CEP112: variants seen among roughly 807,000 people sequenced by gnomAD.
CEP112 encodes centrosomal protein of 112 kDa.
In CEP112, 127 loss-of-function variants were observed where a neutral mutation model predicts 153.0. The observed-to-expected ratio is 0.83, with a 90% CI of 0.72 to 0.96. The LOEUF (loss-of-function observed/expected upper bound fraction) is 0.96, where lower values mean the gene tolerates loss of function less well. Among genes scored for constraint, CEP112 ranks in the 40% least tolerant of loss-of-function variants. CEP112 has a pLI of 0.00. For missense variants in CEP112, 1,089 were observed against 1,101.2 expected, an observed-to-expected ratio of 0.99 and a Z score of 0.16; for synonymous variants, 358 against 374.4, an observed-to-expected ratio of 0.96 and a Z score of 0.51.
intron 20 of CEP112, among the ~76,000 whole-genome samples, chr17:65,901,638 T>C (rs1386681364): frequency 6.6e-6 from 1 of 152,124 alleles, no homozygotes; most frequent in Non-Finnish European, 1.5e-5. Context: ...ACAGACCTGA[T>C]GGGAAATAGC....
At chr17:65,933,468 T>G (rs1319837407) in intron 18 of CEP112, among the ~76,000 whole-genome samples, 1 of 152,164 alleles carries the variant, frequency 6.6e-6, no homozygotes. Flanking sequence ...AAGGGAGTTG[T>G]AACATGGCTA....
chr17:65,925,476 C>T (rs1340804102), intron 19 of CEP112, among the ~76,000 whole-genome samples: 2 of 152,208 alleles, frequency 1.3e-5, no homozygotes, highest in African/African-American at 4.8e-5. Flanking sequence ...TATGTATATA[C>T]TGTTCACTGA....
At chr17:66,005,216 A>G (rs2064223417) in intron 17 of CEP112, among the ~76,000 whole-genome samples, 1 of 152,206 alleles carries the variant, frequency 6.6e-6, no homozygotes, top group Non-Finnish European at 1.5e-5. Flanking sequence ...AAAATCTAAT[A>G]TTTTAATGTA....
At chr17:65,873,521 T>C (rs904511697) in intron 20 of CEP112, 1 of 152,208 alleles carries the variant, frequency 6.6e-6, no homozygotes, top group African/African-American at 2.4e-5. Context: ...ATCCAGCTTC[T>C]ATTCTCCTCC....
chr17:65,733,909 C>A (rs1380812031), intron 23 of CEP112, among the ~76,000 whole-genome samples: 1 of 152,204 alleles, frequency 6.6e-6, no homozygotes, highest in East Asian at 1.9e-4. Context: ...CCGAAAAACA[C>A]AAATTCTTTT....
intron 21 of CEP112, among the ~76,000 whole-genome samples, chr17:65,832,567 A>G (rs962726426): frequency 1.3e-5 from 2 of 152,274 alleles, no homozygotes; most frequent in East Asian, 1.9e-4. Context: ...AGAAACTCCT[A>G]TGAACACCCC....
intron 23 of CEP112, among the ~76,000 whole-genome samples, chr17:65,713,959 C>G (rs2049348369): frequency 6.6e-6 from 1 of 152,162 alleles, no homozygotes; most frequent in African/African-American, 2.4e-5. Context: ...CCTCTTCTCT[C>G]TCGGTCTGGC....
chr17:65,813,304 G>A (rs927352608), intron 21 of CEP112, among the ~76,000 whole-genome samples: 10 of 152,128 alleles, frequency 6.6e-5, no homozygotes, highest in Non-Finnish European at 1.5e-4. Context: ...ACTCATCAAC[G>A]TAGAAACAAG....
At chr17:66,113,053 G>A (rs1427710057) in intron 6 of CEP112, among the ~76,000 whole-genome samples, 1 of 151,930 alleles carries the variant, frequency 6.6e-6, no homozygotes, top group African/African-American at 2.4e-5. Context: ...TGGGTAACAA[G>A]AGCGAAACTC....
chr17:65,931,936 C>T (rs1486641173), intron 18 of CEP112, among the ~76,000 whole-genome samples: 1 of 152,178 alleles, frequency 6.6e-6, no homozygotes, highest in African/African-American at 2.4e-5. Context: ...TGAGCAGCAA[C>T]CCCAGAGACC....
chr17:65,868,051 T>A (rs1281373731), intron 20 of CEP112, among the ~76,000 whole-genome samples: 5 of 151,836 alleles, frequency 3.3e-5, no homozygotes, highest in Non-Finnish European at 5.9e-5. Context: ...ATAAATTTTT[T>A]AAATTAAAAT....
intron 4 of CEP112, among the ~76,000 whole-genome samples, chr17:66,148,082 T>C (rs1450819452): frequency 2.0e-5 from 3 of 152,192 alleles, no homozygotes; most frequent in Non-Finnish European, 4.4e-5. Flanking sequence ...AAAATAGGTT[T>C]AATGGACTCA....
intron 19 of CEP112, among the ~76,000 whole-genome samples, chr17:65,917,609 CCTAT>C (rs1386184976): frequency 2.0e-5 from 3 of 152,108 alleles, no homozygotes; most frequent in Non-Finnish European, 4.4e-5. Context: ...GATTTTGCCG[CCTAT>C]CTGACAAAGA....
chr17:66,131,136 T>A (rs1047252000), intron 5 of CEP112, among the ~76,000 whole-genome samples: 5 of 152,206 alleles, frequency 3.3e-5, no homozygotes, highest in African/African-American at 1.2e-4. Flanking sequence ...GTAATTTTTT[T>A]AAATGCACTA....
chr17:65,969,958 A>G (rs990485483), intron 17 of CEP112, among the ~76,000 whole-genome samples: 1 of 152,168 alleles, frequency 6.6e-6, no homozygotes, highest in Non-Finnish European at 1.5e-5. Flanking sequence ...CAGGTATATT[A>G]AATGTATGTA....
At chr17:65,717,149 T>C (rs1248773114) in intron 23 of CEP112, among the ~76,000 whole-genome samples, 1 of 152,190 alleles carries the variant, frequency 6.6e-6, no homozygotes, top group African/African-American at 2.4e-5. Flanking sequence ...CATTGGGAAA[T>C]ATAATTTGCT....
intron 18 of CEP112, among the ~76,000 whole-genome samples, chr17:65,950,790 G>C (rs2061803883): frequency 6.6e-6 from 1 of 151,876 alleles, no homozygotes; most frequent in Non-Finnish European, 1.5e-5. Flanking sequence ...TTGAATAAAA[G>C]TGGCAAAAGC....
At chr17:65,970,504 T>A (rs374552506) in intron 17 of CEP112, among the ~76,000 whole-genome samples, 6 of 151,300 alleles carry the variant, frequency 4.0e-5, no homozygotes, top group African/African-American at 1.5e-4. Context: ...ACATGCATAT[T>A]ATATGCATGC....
intron 12 of CEP112, among the ~76,000 whole-genome samples, chr17:66,046,701 T>G (rs1342634822): frequency 6.6e-6 from 1 of 152,188 alleles, no homozygotes; most frequent in Non-Finnish European, 1.5e-5. Context: ...GTAAGCAAGT[T>G]AAAATGATAT....
Sources: gnomAD v4.1 joint callset for allele counts (sites outside exome capture counted in the v4.1 genomes callset) on GRCh38, gnomAD v4.1.1 for gene constraint, MANE v1.5 for transcripts, NCBI Gene and HGNC (gene_info 2026-07-23, HGNC 2026-07-21) for gene names.